Variants in MYO5A observed in about 807,000 individuals in gnomAD.
The protein encoded by MYO5A is unconventional myosin-Va.
MYO5A carries 98 observed loss-of-function variants against 249.7 expected under a neutral mutation model. The observed-to-expected ratio is 0.39, with a 90% CI of 0.33 to 0.46. The LOEUF is 0.46. MYO5A is among the 20% of genes least tolerant of loss of function. The pLI is 0.98. For synonymous variants in MYO5A, 778 were observed against 810.6 expected (o/e 0.96, Z 0.68); for missense variants, 1,696 against 2,308.8 (o/e 0.73, Z 5.44).
Position 52,397,189 on chromosome 15 carries a change from A to G in MYO5A, c.1319+12T>C, listed in dbSNP as rs761483363. The G allele has an allele frequency of 1.9e-6, 3 of 1,613,712 alleles. No individual in the cohort carries two copies. Among genetic ancestry groups the G allele is most frequent in the Non-Finnish European group, 2.5e-6 (3 of 1,179,944 alleles). Reference sequence around the variant, plus strand: ...ATGTTCTCTGGCAGACCAATTAGCCAAATATACTCACCCGTAAATGTCTAG... The same window carrying G: ...ATGTTCTCTGGCAGACCAATTAGCCGAATATACTCACCCGTAAATGTCTAG... On this transcript the variant is annotated intron_variant, in intron 10 of 41. Transcript: ENST00000399233.
At chr15:52,480,361 CG>C (rs2076690529) in intron 1 of MYO5A, among the ~76,000 whole-genome samples, 1 of 152,128 alleles carries the variant, frequency 6.6e-6, no homozygotes, top group Admixed American at 6.6e-5. Context: ...TAGGAAAACC[CG>C]TAACTATTTC....
chr15:52,510,987 C>T (rs1003086461), intron 1 of MYO5A, among the ~76,000 whole-genome samples: 3 of 152,202 alleles, frequency 2.0e-5, no homozygotes, highest in African/African-American at 7.2e-5. Flanking sequence ...TTGTCTAGAT[C>T]CTCCTTAAAC....
At chr15:52,493,548 G>T (rs529513579) in intron 1 of MYO5A, among the ~76,000 whole-genome samples, 17 of 152,168 alleles carry the variant, frequency 1.1e-4, no homozygotes, top group Middle Eastern at 3.4e-3. Context: ...TCTAATCCCA[G>T]CTACTCGGGA....
intron 12 of MYO5A, among the ~76,000 whole-genome samples, chr15:52,389,650 G>GCT (rs1475356702): frequency 2.0e-5 from 3 of 152,018 alleles, no homozygotes; most frequent in Non-Finnish European, 4.4e-5. Context: ...TGTTGTTGCT[G>GCT]TTTTTTAAAA....
intron 14 of MYO5A, among the ~76,000 whole-genome samples, chr15:52,385,205 G>C (rs1426675302): frequency 6.6e-6 from 1 of 152,136 alleles, no homozygotes; most frequent in Non-Finnish European, 1.5e-5. Context: ...AATAAAACCA[G>C]TTCTTCTAAT....
intron 24 of MYO5A, among the ~76,000 whole-genome samples, chr15:52,362,280 G>T (rs2040572587): frequency 6.6e-6 from 1 of 152,156 alleles, no homozygotes; most frequent in African/African-American, 2.4e-5. Flanking sequence ...TGACGACTCT[G>T]TTTACAACCA....
chr15:52,497,260 C>T lies in MYO5A; in HGVS notation c.27+31520G>A, dbSNP rs1189939573. On this transcript the variant is annotated intron_variant, in intron 1 of 41. Transcript: ENST00000399233. ...TACAGGTGTGGGCCACTGCACCCAG[C>T]CCGAGAAAAAAATGTTAAAAGCAGC... 5.3e-5 allele frequency among the ~76,000 whole-genome samples: 8 copies of T among 151,976 alleles called. 1 individual carries two copies. Among genetic ancestry groups the T allele is most frequent in the Admixed American group, 5.2e-4 (8 of 15,274 alleles).
intron 5 of MYO5A, among the ~76,000 whole-genome samples, chr15:52,411,233 T>A (rs897861886): frequency 6.6e-6 from 1 of 152,240 alleles, no homozygotes; most frequent in African/African-American, 2.4e-5. Flanking sequence ...AATGCTGCTC[T>A]GGTGTTCAGG....
chr15:52,343,772 G>A (rs1349789548), intron 30 of MYO5A, among the ~76,000 whole-genome samples: 1 of 152,080 alleles, frequency 6.6e-6, no homozygotes, highest in Non-Finnish European at 1.5e-5. Flanking sequence ...AAGCTTTTTT[G>A]TGTCAAAAAT....
chr15:52,386,147 T>C (rs925884919), intron 14 of MYO5A, among the ~76,000 whole-genome samples: 2 of 151,902 alleles, frequency 1.3e-5, no homozygotes, highest in African/African-American at 4.8e-5. Context: ...TGAAACCCCA[T>C]CTCAACAAAA....
At chr15:52,330,310 C>T (rs752943268) in intron 35 of MYO5A, 43 bp downstream of exon 35, 2 of 1,613,492 alleles carry the variant, frequency 1.2e-6, no homozygotes, top group Admixed American at 1.7e-5. Flanking sequence ...ACCATTAACC[C>T]ATGTGCCAGA....
chr15:52,419,537 T>C (rs2043687438), intron 4 of MYO5A, among the ~76,000 whole-genome samples: 1 of 152,214 alleles, frequency 6.6e-6, no homozygotes, highest in South Asian at 2.1e-4. Context: ...AAGTTAATAC[T>C]AGACAATGAG....
At chr15:52,340,718 A>T (rs545084748) in intron 31 of MYO5A, among the ~76,000 whole-genome samples, 2 of 152,234 alleles carry the variant, frequency 1.3e-5, no homozygotes, top group East Asian at 3.9e-4. Flanking sequence ...AGGCTGAGGC[A>T]GGCGGATCAC....
At chr15:52,428,365 CCA>C in intron 3 of MYO5A, 31 bp downstream of exon 3, 1 of 1,594,350 alleles carries the variant, frequency 6.3e-7, no homozygotes. Flanking sequence ...AGGAAAGAGT[CCA>C]CAGTCTATTC....
chr15:52,508,815 C>T (rs918975551), intron 1 of MYO5A, among the ~76,000 whole-genome samples: 6 of 152,062 alleles, frequency 3.9e-5, no homozygotes, highest in Non-Finnish European at 7.3e-5. Context: ...AGAAATTTAG[C>T]TCCTGAACAT....
At chr15:52,425,269 T>C (rs966478022) in intron 4 of MYO5A, among the ~76,000 whole-genome samples, 22 of 152,246 alleles carry the variant, frequency 1.4e-4, no homozygotes, top group Non-Finnish European at 2.5e-4. Flanking sequence ...TCTGCATCTG[T>C]CTTTTCCTAG....
At chr15:52,459,977 G>C (rs1042098043) in intron 1 of MYO5A, among the ~76,000 whole-genome samples, 2 of 151,558 alleles carry the variant, frequency 1.3e-5, no homozygotes, top group African/African-American at 4.9e-5. Flanking sequence ...CGGGGTGGCG[G>C]CGGGGCAGAG....
intron 32 of MYO5A, among the ~76,000 whole-genome samples, chr15:52,338,370 C>T (rs573645340): frequency 9.9e-5 from 15 of 152,016 alleles, no homozygotes; most frequent in African/African-American, 2.4e-4. Context: ...AAAGACAGCA[C>T]GGGGGAGGCC....
At chr15:52,337,922 G>A (rs1393124100) in intron 32 of MYO5A, 38 bp from the exon 33 acceptor site, 16 of 1,384,046 alleles carry the variant, frequency 1.2e-5, no homozygotes, top group Non-Finnish European at 4.0e-6. Flanking sequence ...GTTTTTGTCT[G>A]TGTGTTTGAG....
Sources: allele counts gnomAD v4.1 joint callset (sites outside exome capture counted in the v4.1 genomes callset), GRCh38; gene constraint gnomAD v4.1.1; transcripts MANE v1.5; gene names NCBI Gene and HGNC (gene_info 2026-07-23, HGNC 2026-07-21).